The following LUZP2 variants were observed in gnomAD, a reference collection of about 807,000 sequenced individuals.
LUZP2 encodes leucine zipper protein 2.
LUZP2 carries 52 observed loss-of-function variants against 51.6 expected under a neutral mutation model. The ratio of observed to expected loss-of-function variants is 1.01; its 90% CI spans 0.81 to 1.27. The LOEUF is 1.27. LUZP2 is among the 50% of genes most tolerant of loss of function. LUZP2 has a pLI of 0.00. For missense variants in LUZP2, 436 were observed against 395.4 expected (o/e 1.10, Z -0.87); for synonymous variants, 154 against 137.3 (o/e 1.12, Z -0.85).
chr11:24,583,101 T>G (rs946634435), intron 1 of LUZP2, among the ~76,000 whole-genome samples: 1 of 152,166 alleles, frequency 6.6e-6, no homozygotes, highest in African/African-American at 2.4e-5. Flanking sequence ...AGTAATGAAT[T>G]ATGTATAGTT....
intron 1 of LUZP2, among the ~76,000 whole-genome samples, chr11:24,682,291 G>A (rs1856760479): frequency 6.6e-6 from 1 of 151,864 alleles, no homozygotes; most frequent in Admixed American, 6.6e-5. Context: ...GGACAGGAGT[G>A]TGAGACCAGC....
Position 25,042,878 on chromosome 11 carries a change from G to A in LUZP2, c.766-7160G>A, listed in dbSNP as rs78831081. ...ATAATAATCCAGGATCCTATGGAGTGAAATCTGTTCTCCCAAAAGTAATAT... is the reference window on the plus strand; with the variant it reads ...ATAATAATCCAGGATCCTATGGAGTAAAATCTGTTCTCCCAAAAGTAATAT... On this transcript the variant is annotated intron_variant, in intron 9 of 11. Coordinates refer to ENST00000336930, the MANE Select transcript of LUZP2 (RefSeq NM_001009909.4). Among the ~76,000 whole-genome samples, 1,052 of 152,258 alleles carry A rather than the reference G, an allele frequency of 6.9e-3. 34 individuals carry two copies. In the East Asian group the frequency reaches 0.099, roughly 14 times the overall value.
intron 7 of LUZP2, among the ~76,000 whole-genome samples, chr11:24,938,653 G>A (rs1176454916): frequency 1.3e-5 from 2 of 151,244 alleles, no homozygotes; most frequent in African/African-American, 2.4e-5. Flanking sequence ...TATTAAATTT[G>A]TTTTTAATTT....
intron 5 of LUZP2, among the ~76,000 whole-genome samples, chr11:24,837,831 A>G (rs1850904896): frequency 6.6e-6 from 1 of 151,578 alleles, no homozygotes. Flanking sequence ...ACTGTCCCCC[A>G]TCTTAGTATT....
chr11:25,066,176 G>A (rs1475617399), intron 10 of LUZP2, among the ~76,000 whole-genome samples: 1 of 151,020 alleles, frequency 6.6e-6, no homozygotes, highest in Non-Finnish European at 1.5e-5. Context: ...TTTTGTGACT[G>A]AAAAAATCTC....
chr11:24,572,696 G>A (rs1282604682), intron 1 of LUZP2, among the ~76,000 whole-genome samples: 2 of 151,978 alleles, frequency 1.3e-5, no homozygotes, highest in African/African-American at 4.8e-5. Context: ...CTGCATCAGG[G>A]ATTTTGGATT....
chr11:24,636,913 T>G (rs1855124900), intron 1 of LUZP2, among the ~76,000 whole-genome samples: 1 of 149,688 alleles, frequency 6.7e-6, no homozygotes, highest in Admixed American at 6.6e-5. Flanking sequence ...TAAGCCAATT[T>G]TTGCTTATAA....
rs146016001 is a variant in LUZP2, at chr11:24,661,738, T to C, written c.63-67431T>C. 3.3e-4 allele frequency among the ~76,000 whole-genome samples: 50 copies of C among 152,310 alleles called. 1 individual carries two copies. In the East Asian group the frequency reaches 9.1e-3, roughly 28 times the overall value. ...TAGCCATAACATTTTAAAATAAAGC[T>C]TTTATAAATATGGTGAAATAGTAAC... On this transcript the variant is annotated intron_variant, in intron 1 of 11. Coordinates refer to ENST00000336930, the MANE Select transcript of LUZP2 (RefSeq NM_001009909.4).
chr11:24,651,778 C>T (rs1232564033), intron 1 of LUZP2, among the ~76,000 whole-genome samples: 7 of 151,986 alleles, frequency 4.6e-5, no homozygotes, highest in African/African-American at 1.7e-4. Flanking sequence ...TAGGCCTCCT[C>T]CAATCAGTTG....
intron 7 of LUZP2, among the ~76,000 whole-genome samples, chr11:24,976,371 C>T (rs1855880334): frequency 6.6e-6 from 1 of 151,824 alleles, no homozygotes; most frequent in Non-Finnish European, 1.5e-5. Flanking sequence ...AGTGCATATT[C>T]ATCCAGAACT....
chr11:24,886,490 T>G (rs2134309407), intron 5 of LUZP2, among the ~76,000 whole-genome samples: 2 of 152,312 alleles, frequency 1.3e-5, no homozygotes, highest in Admixed American at 6.5e-5. Context: ...TCCCCTAGTT[T>G]CTCTACTGCC....
chr11:24,667,859 C>T (rs906653211), intron 1 of LUZP2, among the ~76,000 whole-genome samples: 2 of 152,176 alleles, frequency 1.3e-5, no homozygotes, highest in Non-Finnish European at 2.9e-5. Flanking sequence ...AAACTTAAGT[C>T]TTCTGACTCC....
intron 1 of LUZP2, among the ~76,000 whole-genome samples, chr11:24,658,547 A>G (rs913468269): frequency 6.6e-6 from 1 of 152,320 alleles, no homozygotes; most frequent in Admixed American, 6.5e-5. Flanking sequence ...ACCAAAAGCA[A>G]TGGCAACAAA....
chr11:24,995,818 A>T (rs1207942629), intron 9 of LUZP2, among the ~76,000 whole-genome samples: 1 of 151,878 alleles, frequency 6.6e-6, no homozygotes, highest in African/African-American at 2.4e-5. Flanking sequence ...TTTGGTTTTC[A>T]CTTGCTGTTT....
At chr11:25,024,080 C>T (rs372772669) in intron 9 of LUZP2, among the ~76,000 whole-genome samples, 20 of 152,056 alleles carry the variant, frequency 1.3e-4, no homozygotes, top group South Asian at 1.0e-3. Flanking sequence ...GGAGTAAGTG[C>T]GATGTGGTGC....
chr11:24,865,916 T>C (rs968004449), intron 5 of LUZP2, among the ~76,000 whole-genome samples: 13 of 151,908 alleles, frequency 8.6e-5, no homozygotes, highest in African/African-American at 2.9e-4. Context: ...TTCAAGCAAT[T>C]CTCCTGCCTC....
In LUZP2 at chr11:25,074,649, C is replaced by T. The variant is rs144904148; in HGVS notation, c.859-2680C>T. On this transcript the variant is annotated intron_variant, in intron 10 of 11. Coordinates refer to ENST00000336930, the MANE Select transcript of LUZP2 (RefSeq NM_001009909.4). Reference sequence around the variant, plus strand: ...TTAGGTCAAAGATATTCAAGAAATACGTACATTATATCTCCTTCTTAGAGA... The same window carrying T: ...TTAGGTCAAAGATATTCAAGAAATATGTACATTATATCTCCTTCTTAGAGA... Among the ~76,000 whole-genome samples, 824 of 152,144 alleles carry T rather than the reference C, an allele frequency of 5.4e-3. 9 individuals are homozygous for T. The highest frequency in any genetic ancestry group is 0.019 in the African/African-American group (781 of 41,530).
rs185597323 is a variant in LUZP2, at chr11:24,807,388, G to C, written c.396+44080G>C. On this transcript the variant is annotated intron_variant, in intron 5 of 11. Transcript: ENST00000336930. ...GAGGCAGGAGAATCACTTGAATCCG[G>C]AGGCGGAGGTTGCAATGAACTGAGA... 2.4e-3 allele frequency among the ~76,000 whole-genome samples: 365 copies of C among 151,378 alleles called. 8 individuals are homozygous for C. Among genetic ancestry groups the C allele is most frequent in the Admixed American group, 0.02 (301 of 15,180 alleles).
intron 10 of LUZP2, among the ~76,000 whole-genome samples, chr11:25,074,106 T>G (rs1859235270): frequency 6.6e-6 from 1 of 152,148 alleles, no homozygotes. Flanking sequence ...TGGGTCAAAT[T>G]TGTCTTGCCT....
Sources: allele counts gnomAD v4.1 joint callset (sites outside exome capture counted in the v4.1 genomes callset), GRCh38; gene constraint gnomAD v4.1.1; transcripts MANE v1.5; gene names NCBI Gene and HGNC (gene_info 2026-07-23, HGNC 2026-07-21).